The following ETV5 variants were observed in gnomAD, a reference collection of about 807,000 sequenced individuals.
The protein encoded by ETV5 is ETS variant transcription factor 5, also known as ETS translocation variant 5.
ETV5 carries 10 observed loss-of-function variants against 70.0 expected under a neutral mutation model. The observed-to-expected ratio is 0.14, with a 90% CI of 0.09 to 0.24. ETV5 has a LOEUF of 0.24. ETV5 is among the 10% of genes least tolerant of loss of function. The pLI, the probability that ETV5 is intolerant of heterozygous loss-of-function variation, is 1.00. For synonymous variants in ETV5, 216 were observed against 242.2 expected (o/e 0.89, Z 1.01); for missense variants, 453 against 651.2 (o/e 0.70, Z 3.31).
chr3:186,108,410 C>A (rs764767471), intron 1 of ETV5: 3 of 840,042 alleles, frequency 3.6e-6, no homozygotes, highest in Non-Finnish European at 5.2e-6. Flanking sequence ...ACTTGCAAGG[C>A]CTGCGTAAGT....
intron 5 of ETV5, among the ~76,000 whole-genome samples, chr3:186,096,741 G>A (rs967333419): frequency 1.3e-4 from 20 of 152,174 alleles, no homozygotes; most frequent in South Asian, 2.1e-4. Flanking sequence ...AGTTGCTCTG[G>A]ATCATTACTA....
intron 7 of ETV5, among the ~76,000 whole-genome samples, chr3:186,066,936 AAGTT>A (rs1473420779): frequency 6.6e-6 from 1 of 152,240 alleles, no homozygotes; most frequent in Non-Finnish European, 1.5e-5. Context: ...TTGGGGAAAA[AAGTT>A]AGACCCCATT....
intron 5 of ETV5, among the ~76,000 whole-genome samples, chr3:186,101,315 T>C (rs1354632238): frequency 6.6e-6 from 1 of 152,204 alleles, no homozygotes; most frequent in African/African-American, 2.4e-5. Context: ...AGGGTCTTGC[T>C]CTGGTACCTA....
chr3:186,080,012 G>A lies in ETV5; in HGVS notation c.455C>T (p.Pro152Leu). ...SPTHQNPLFPPPQATLPTSGH... is the reference protein window; with the variant it reads ...SPTHQNPLFPLPQATLPTSGH... ...TGAGGTGGGCAGAGTTGCCTGAGGT[G>A]GGGGAAATAGGGGATTCTGATGGGT... is the stretch of plus-strand genomic sequence containing the variant. The change falls in exon 7 of 13, where the codon CCA becomes CTA. Residue 152 changes from proline (P) to leucine (L), a missense_variant. Physicochemically the swap from Pro to Leu is moderately conservative, Grantham distance 98 (BLOSUM62 -3). This residue lies in a region of ETV5 where 307 missense variants were observed against 344.9 expected (regional missense o/e 0.89). Coordinates refer to ENST00000306376, the MANE Select transcript of ETV5 (RefSeq NM_004454.3). 1 of 1,550,264 alleles carries A rather than the reference G, an allele frequency of 6.5e-7. No homozygotes were observed. The highest frequency in any genetic ancestry group is 8.6e-7 in the Non-Finnish European group (1 of 1,157,528).
Position 186,057,060 on chromosome 3 carries a change from G to A in ETV5, c.1209+15C>T. ...ACAAATCAAAACCCGTCTGAGTCCA[G>A]CATCCAGTGCATACCTCTTCCGGTT... On this transcript the variant is annotated intron_variant, in intron 11 of 12. Transcript: ENST00000306376. This position sits in a 1 kb window ranked among gnomAD's most constrained non-coding sequence, Gnocchi z 4.9. 3.7e-6 allele frequency: 6 copies of A among 1,605,552 alleles called. No homozygotes were observed. Among genetic ancestry groups the A allele is most frequent in the Non-Finnish European group, 5.1e-6 (6 of 1,173,548 alleles).
intron 11 of ETV5, among the ~76,000 whole-genome samples, chr3:186,053,799 C>T (rs1713091337): frequency 6.6e-6 from 1 of 152,088 alleles, no homozygotes; most frequent in Non-Finnish European, 1.5e-5. Context: ...CATTTAAAAC[C>T]AATAGAAATA....
At position 186,057,502 on chromosome 3, in the gene ETV5, AT is replaced by A. The variant is rs1446988217; in HGVS notation, c.971-12del. The A allele has an allele frequency of 6.2e-7, 1 of 1,610,316 alleles. No homozygotes were observed. The highest frequency in any genetic ancestry group is 1.7e-5 in the Admixed American group (1 of 60,014). ...TTTCATATGAAAAACCTGAAAGAGA[AT>A]TTAAAAGAAAGACTACGTTGCTTAA... On this transcript the variant is annotated splice_polypyrimidine_tract_variant and intron_variant, in intron 9 of 12. Transcript: ENST00000306376. This position sits in a 1 kb window ranked among gnomAD's most constrained non-coding sequence, Gnocchi z 4.9.
intron 5 of ETV5, among the ~76,000 whole-genome samples, chr3:186,083,346 C>T (rs987862138): frequency 5.9e-5 from 9 of 152,202 alleles, no homozygotes; most frequent in African/African-American, 2.2e-4. Flanking sequence ...TTGCAATCAC[C>T]ACTTTACCTA....
rs1712873281 is a variant in ETV5 at position 186,046,316 on chromosome 3, C to CTTT, written c.*2322_*2323insAAA. On this transcript the variant is annotated 3_prime_UTR_variant, in exon 13 of 13. Coordinates refer to ENST00000306376, the MANE Select transcript of ETV5 (RefSeq NM_004454.3). ...GGCAAGAAAGAGGCAGGTTCGGGTG[C>CTTT]TTGGTAAACGAAAAGCAAACTTCTT... is the stretch of plus-strand genomic sequence containing the variant. 4.9e-6 allele frequency: 1 copy of CTTT among 205,802 alleles called. No homozygotes were observed. Among genetic ancestry groups the CTTT allele is most frequent in the Admixed American group, 6.0e-5 (1 of 16,766 alleles). 12.7% of individuals were successfully genotyped at this position (205,802 alleles called of 1,614,324 possible). A position where few individuals can be genotyped will look rare whatever the true frequency, so the allele number is the denominator to read the frequency against.
intron 5 of ETV5, among the ~76,000 whole-genome samples, chr3:186,092,872 C>T (rs1714215007): frequency 1.3e-5 from 2 of 152,096 alleles, no homozygotes; most frequent in African/African-American, 4.8e-5. Flanking sequence ...CTCGAGCTGA[C>T]GATAGCAACA....
intron 7 of ETV5, among the ~76,000 whole-genome samples, chr3:186,075,469 G>A (rs920041598): frequency 1.1e-4 from 17 of 152,162 alleles, no homozygotes; most frequent in African/African-American, 3.9e-4. Context: ...GAAAAAACAA[G>A]AGGAAAAACG....
chr3:186,104,327 C>A (rs1336570537), intron 5 of ETV5, among the ~76,000 whole-genome samples: 1 of 152,172 alleles, frequency 6.6e-6, no homozygotes, highest in Non-Finnish European at 1.5e-5. Flanking sequence ...CATGCCCCTG[C>A]CAGTGTTGAA....
At chr3:186,089,535 CTCTGT>C (rs1001322435) in intron 5 of ETV5, among the ~76,000 whole-genome samples, 2 of 152,170 alleles carry the variant, frequency 1.3e-5, no homozygotes, top group African/African-American at 4.8e-5. Context: ...ATCTGTGTCA[CTCTGT>C]TCTTTCACCA....
At chr3:186,099,862 T>A (rs1012187035) in intron 5 of ETV5, among the ~76,000 whole-genome samples, 11 of 152,194 alleles carry the variant, frequency 7.2e-5, no homozygotes, top group Admixed American at 2.6e-4. Context: ...GTCCCAAATC[T>A]TTCTCACCAA....
chr3:186,093,081 C>A (rs1024875058), intron 5 of ETV5, among the ~76,000 whole-genome samples: 1 of 152,092 alleles, frequency 6.6e-6, no homozygotes, highest in African/African-American at 2.4e-5. Context: ...ATATGAGATA[C>A]AGGATAGATT....
chr3:186,082,616 TC>T (rs1343561848), intron 5 of ETV5, among the ~76,000 whole-genome samples: 1 of 152,170 alleles, frequency 6.6e-6, no homozygotes, highest in Admixed American at 6.5e-5. Flanking sequence ...AGACAGGGTT[TC>T]ACCATGTTGG....
intron 5 of ETV5, among the ~76,000 whole-genome samples, chr3:186,094,287 T>C (rs971788523): frequency 1.3e-5 from 2 of 152,210 alleles, no homozygotes; most frequent in African/African-American, 4.8e-5. Context: ...TCCTGATTCA[T>C]AGATGGTGAC....
chr3:186,103,205 C>T (rs1560057478), intron 5 of ETV5, among the ~76,000 whole-genome samples: 1 of 152,196 alleles, frequency 6.6e-6, no homozygotes, highest in Non-Finnish European at 1.5e-5. Context: ...GAAACATCTC[C>T]CAAATTACCT....
intron 7 of ETV5, among the ~76,000 whole-genome samples, chr3:186,074,422 CAT>C (rs1347725605): frequency 2.0e-5 from 3 of 152,172 alleles, no homozygotes; most frequent in Non-Finnish European, 4.4e-5. Context: ...TCCAATTTCA[CAT>C]GAGATGTTCT....
Sources: allele counts gnomAD v4.1 joint callset (sites outside exome capture counted in the v4.1 genomes callset), GRCh38; gene constraint gnomAD v4.1.1; regional missense constraint gnomAD v4.1.1; non-coding constraint Gnocchi (gnomAD v3.1); transcripts MANE v1.5; gene names NCBI Gene and HGNC (gene_info 2026-07-23, HGNC 2026-07-21).